The following ITPKB variants were observed in gnomAD, a reference collection of about 807,000 sequenced individuals.
ITPKB encodes the protein inositol-trisphosphate 3-kinase B.
Under a neutral mutation model 69.4 loss-of-function variants are expected in ITPKB, and 13 were observed. The observed-to-expected ratio is 0.19, with a 90% CI of 0.12 to 0.30. ITPKB has a LOEUF of 0.30. ITPKB is among the 10% of genes least tolerant of loss of function. The pLI is 1.00. For missense variants in ITPKB, 1,240 were observed against 1,250.5 expected, an observed-to-expected ratio of 0.99 and a Z score of 0.13; for synonymous variants, 584 against 513.7, an observed-to-expected ratio of 1.14 and a Z score of -1.85.
intron 2 of ITPKB, chr1:226,707,729 A>G: frequency 9.5e-7 from 1 of 1,050,416 alleles, no homozygotes; most frequent in Non-Finnish European, 1.2e-6. Context: ...CAGTAAGACA[A>G]TATCAAACTA....
chr1:226,719,310 G>A (rs917347710), intron 2 of ITPKB, among the ~76,000 whole-genome samples: 1 of 152,190 alleles, frequency 6.6e-6, no homozygotes, highest in Non-Finnish European at 1.5e-5. Flanking sequence ...TCTGAGGGTA[G>A]CATAGCAGAG....
intron 2 of ITPKB, among the ~76,000 whole-genome samples, chr1:226,701,342 C>T (rs139093684): frequency 1.3e-5 from 2 of 152,232 alleles, no homozygotes; most frequent in African/African-American, 2.4e-5. Context: ...CGGTGGCTCA[C>T]GCCTGTAATC....
intron 2 of ITPKB, among the ~76,000 whole-genome samples, chr1:226,681,068 C>T (rs1179817499): frequency 6.6e-6 from 1 of 152,196 alleles, no homozygotes; most frequent in Non-Finnish European, 1.5e-5. Context: ...ATTATTCATG[C>T]CATCCTTGAT....
chr1:226,648,889 A>G (rs2298169), intron 2 of ITPKB, 118 bp from the exon 3 acceptor site: 344,607 of 745,274 alleles, frequency 0.46, 82,005 homozygotes, highest in East Asian at 0.73. Flanking sequence ...AGGGCCCTTG[A>G]CGGGCTCTGA....
At chr1:226,701,620 A>AC (rs1473789346) in intron 2 of ITPKB, among the ~76,000 whole-genome samples, 13 of 150,816 alleles carry the variant, frequency 8.6e-5, no homozygotes, top group Non-Finnish European at 1.9e-4. Flanking sequence ...AAAAAAAAAA[A>AC]AAAAAAAAAA....
chr1:226,669,818 A>G (rs1208275653), intron 2 of ITPKB, among the ~76,000 whole-genome samples: 12 of 152,140 alleles, frequency 7.9e-5, no homozygotes, highest in Admixed American at 7.9e-4. Context: ...ATAATGAAAT[A>G]ATAATATATG....
intron 2 of ITPKB, among the ~76,000 whole-genome samples, chr1:226,683,074 G>A (rs1403175374): frequency 6.6e-6 from 1 of 152,182 alleles, no homozygotes; most frequent in African/African-American, 2.4e-5. Context: ...TCTGAGGGAA[G>A]CCAGGCCCTA....
At chr1:226,666,063 A>G (rs1214434899) in intron 2 of ITPKB, among the ~76,000 whole-genome samples, 4 of 152,228 alleles carry the variant, frequency 2.6e-5, no homozygotes, top group Non-Finnish European at 5.9e-5. Flanking sequence ...TAAAAATGAA[A>G]GAAATGACAG....
chr1:226,664,811 A>C (rs1161880406), intron 2 of ITPKB, among the ~76,000 whole-genome samples: 1 of 152,208 alleles, frequency 6.6e-6, no homozygotes, highest in Non-Finnish European at 1.5e-5. Context: ...AGGCGCATGG[A>C]AAGTATTTGC....
intron 2 of ITPKB, among the ~76,000 whole-genome samples, chr1:226,678,505 G>C (rs1655969533): frequency 1.3e-5 from 2 of 152,242 alleles, no homozygotes; most frequent in Admixed American, 1.3e-4. Context: ...TCTGGAGCCA[G>C]GCTGAGTGTG....
At chr1:226,649,840 CAAAACAAA>C (rs1158556127) in intron 2 of ITPKB, among the ~76,000 whole-genome samples, 2 of 107,692 alleles carry the variant, frequency 1.9e-5, no homozygotes, top group African/African-American at 8.6e-5. Flanking sequence ...ACAAACAAAA[CAAAACAAA>C]AAAACAAAAA....
intron 2 of ITPKB, among the ~76,000 whole-genome samples, chr1:226,701,796 G>T (rs1456845565): frequency 6.6e-6 from 1 of 152,030 alleles, no homozygotes; most frequent in South Asian, 2.1e-4. Context: ...CTTCAGGGGC[G>T]CTCACTAACC....
chr1:226,683,677 C>T (rs1198956617), intron 2 of ITPKB, among the ~76,000 whole-genome samples: 2 of 152,108 alleles, frequency 1.3e-5, no homozygotes, highest in East Asian at 1.9e-4. Flanking sequence ...AGAGTCCCCC[C>T]GACTTGATGC....
At chr1:226,697,785 A>G (rs1252181087) in intron 2 of ITPKB, among the ~76,000 whole-genome samples, 1 of 152,190 alleles carries the variant, frequency 6.6e-6, no homozygotes, top group Non-Finnish European at 1.5e-5. Context: ...ACCAACCCAG[A>G]ACTCTCCACA....
intron 2 of ITPKB, among the ~76,000 whole-genome samples, chr1:226,733,646 T>A (rs767092855): frequency 1.1e-4 from 16 of 152,232 alleles, no homozygotes; most frequent in Admixed American, 3.3e-4. Flanking sequence ...GCAGGGGATT[T>A]TTCCCTGGCT....
Position 226,736,229 on chromosome 1 carries a change from G to C in ITPKB, c.1230C>G (p.Ser410Arg), listed in dbSNP as rs200121771. 5 of 1,542,408 alleles carry C rather than the reference G, an allele frequency of 3.2e-6. No homozygotes were observed. The East Asian group carries it at 1.1e-4, about 35-fold the overall frequency. Residue 410 changes from serine to arginine, a missense_variant, in exon 2 of 8, where the codon AGC becomes AGG. By Grantham distance (110) the Ser-to-Arg change is moderately radical (BLOSUM62 -1). Coordinates refer to ENST00000429204, the MANE Select transcript of ITPKB (RefSeq NM_002221.4). ...VQSAESSDSL[S>R]WSRLPRALAS... ...CCAGGGCCCTGGGCAGCCTGGACCAGCTCAGGGAATCAGAGGACTCTGCGC... is the reference window on the plus strand; with the variant it reads ...CCAGGGCCCTGGGCAGCCTGGACCACCTCAGGGAATCAGAGGACTCTGCGC...
intron 2 of ITPKB, among the ~76,000 whole-genome samples, chr1:226,679,254 T>C (rs1439627188): frequency 6.6e-6 from 1 of 152,260 alleles, no homozygotes; most frequent in African/African-American, 2.4e-5. Flanking sequence ...CCTTTTCAGA[T>C]GTGGCTCCCT....
rs116155136 is a variant in ITPKB at position 226,728,805 on chromosome 1, A to G, written c.1932+6722T>C. ...CCATTTTTCAGAGAGCTTGCTAGCC[A>G]TGTGTAGACTGGAATTTCACCCAAG... On this transcript the variant is annotated intron_variant, in intron 2 of 7. Transcript: ENST00000429204. Among the ~76,000 whole-genome samples, 453 of 152,294 alleles carry G rather than the reference A, an allele frequency of 3.0e-3. 4 individuals are homozygous for G. The highest frequency in any genetic ancestry group is 0.01 in the African/African-American group (423 of 41,554).
rs1050492 is a variant in ITPKB at position 226,632,799 on chromosome 1, G to A, written c.*1872C>T. 62,272 of 152,562 alleles carry A rather than the reference G, an allele frequency of 0.41. 15,413 individuals are homozygous for A. Among genetic ancestry groups the A allele is most frequent in the African/African-American group, 0.68 (28,249 of 41,498 alleles). 9.5% of individuals were successfully genotyped at this position (152,562 alleles called of 1,614,324 possible). A position where few individuals can be genotyped will look rare whatever the true frequency, so the allele number is the denominator to read the frequency against. On this transcript the variant is annotated 3_prime_UTR_variant, in exon 8 of 8. Transcript: ENST00000429204. ...TTAGCAAACTTCTTTCACAGATGGA[G>A]TAAGGATAACTTTTGGCCAGTCCAT... is the stretch of plus-strand genomic sequence containing the variant.
Sources: gnomAD v4.1 joint callset for allele counts (sites outside exome capture counted in the v4.1 genomes callset) on GRCh38, gnomAD v4.1.1 for gene constraint, MANE v1.5 for transcripts, NCBI Gene and HGNC (gene_info 2026-07-23, HGNC 2026-07-21) for gene names.